The following MRPL47 variants were observed in gnomAD, a reference collection of about 807,000 sequenced individuals.
MRPL47 encodes the protein mitochondrial ribosomal protein L47, also known as large ribosomal subunit protein uL29m.
MRPL47 carries 31 observed loss-of-function variants against 34.0 expected under a neutral mutation model. That is an observed-to-expected ratio of 0.91 (90% CI 0.68 to 1.23). The LOEUF is 1.23. MRPL47 is among the 50% of genes most tolerant of loss of function. The pLI is 0.00. For missense variants in MRPL47, 328 were observed against 285.8 expected (o/e 1.15, Z -1.07); for synonymous variants, 106 against 101.6 (o/e 1.04, Z -0.26).
intron 3 of MRPL47, among the ~76,000 whole-genome samples, chr3:179,601,170 G>A (rs1718917188): frequency 6.6e-6 from 1 of 152,202 alleles, no homozygotes; most frequent in Non-Finnish European, 1.5e-5. Flanking sequence ...CCAGGATGTT[G>A]GGAGGCTGAG....
Position 179,588,890 on chromosome 3 carries a change from T to C in MRPL47, c.735A>G (p.Gln245=), listed in dbSNP as rs1560016790. ...LKKFPHLAEA[Q]KSSLV ...AGACATCTTAGACAAGACTTGACTT[T>C]TGGGCTTCAGCAAGATGTGGAAACT... Residue 245 remains glutamine, a synonymous_variant, in exon 7 of 7, where the codon CAA becomes CAG. Coordinates refer to ENST00000476781, the MANE Select transcript of MRPL47 (RefSeq NM_020409.3). 3.7e-6 allele frequency: 6 copies of C among 1,613,446 alleles called. No homozygotes were observed. The highest frequency in any genetic ancestry group is 3.4e-6 in the Non-Finnish European group (4 of 1,179,700).
In MRPL47 at chr3:179,592,092, C is replaced by T. The variant is rs370827027; in HGVS notation, c.629+552G>A. On this transcript the variant is annotated intron_variant, in intron 6 of 6. Transcript: ENST00000476781. The stretch of plus-strand genomic sequence containing the variant: ...AAGTAATCTGCCTGCCTTGGCCTCC[C>T]AAAGTGCTGGGATTACAGGCATGAG... 7.2e-5 allele frequency among the ~76,000 whole-genome samples: 11 copies of T among 152,300 alleles called. No individual in the cohort carries two copies. In the East Asian group the frequency reaches 2.1e-3, roughly 29 times the overall value.
At chr3:179,594,449 T>C (rs1224876432) in intron 4 of MRPL47, among the ~76,000 whole-genome samples, 1 of 152,214 alleles carries the variant, frequency 6.6e-6, no homozygotes, top group Non-Finnish European at 1.5e-5. Context: ...TTAAGATTTC[T>C]ATTGTTTTAT....
intron 5 of MRPL47, 117 bp from the exon 6 acceptor site, chr3:179,592,856 A>G: frequency 1.5e-6 from 1 of 658,474 alleles, no homozygotes; most frequent in South Asian, 2.0e-5. Context: ...TAAAACATAA[A>G]CATTTTTAGT....
intron 3 of MRPL47, among the ~76,000 whole-genome samples, chr3:179,599,627 A>G (rs1718880497): frequency 2.0e-5 from 3 of 152,190 alleles, no homozygotes; most frequent in Non-Finnish European, 4.4e-5. Flanking sequence ...CTGTAATGTG[A>G]TGTGGGATAA....
At position 179,593,865 on chromosome 3, in the gene MRPL47, C is replaced by T; in HGVS notation, c.433G>A (p.Val145Ile). ...AGGGCATCTTCTCTTTCCTGGACAA[C>T]TTTATCTAATGCATCCATGGAATCT... is the stretch of plus-strand genomic sequence containing the variant. ...VVDSMDALDK[V>I]VQEREDALRL... The change falls in exon 5 of 7, where the codon GTT becomes ATT. Residue 145 changes from valine (V) to isoleucine (I), a missense_variant. By Grantham distance (29) the Val-to-Ile change is conservative. Coordinates refer to ENST00000476781, the MANE Select transcript of MRPL47 (RefSeq NM_020409.3). The T allele has an allele frequency of 6.2e-7, 1 of 1,613,360 alleles. No homozygotes were observed. The highest frequency in any genetic ancestry group is 8.5e-7 in the Non-Finnish European group (1 of 1,179,558).
At chr3:179,604,025 T>C (rs1374587275) in intron 1 of MRPL47, among the ~76,000 whole-genome samples, 1 of 147,500 alleles carries the variant, frequency 6.8e-6, no homozygotes, top group African/African-American at 2.5e-5. Context: ...TAAAGAGTCA[T>C]GGCAACCAAT....
intron 6 of MRPL47, among the ~76,000 whole-genome samples, chr3:179,591,877 G>A (rs1257373375): frequency 6.6e-6 from 1 of 151,842 alleles, no homozygotes; most frequent in Non-Finnish European, 1.5e-5. Flanking sequence ...CTGTCGCCCA[G>A]GCTGGAGTGC....
At chr3:179,593,735 C>A in intron 5 of MRPL47, 30 bp downstream of exon 5, 1 of 1,589,314 alleles carries the variant, frequency 6.3e-7, no homozygotes, top group South Asian at 1.2e-5. Flanking sequence ...CCACTCTCAT[C>A]TTAGAAGAGC....
chr3:179,595,072 G>A (rs961857414), intron 4 of MRPL47, among the ~76,000 whole-genome samples: 5 of 152,124 alleles, frequency 3.3e-5, no homozygotes, highest in Non-Finnish European at 7.3e-5. Flanking sequence ...TTGAGACAGG[G>A]TCTAGCTCTG....
chr3:179,591,999 A>C (rs1007783263), intron 6 of MRPL47, among the ~76,000 whole-genome samples: 1 of 151,910 alleles, frequency 6.6e-6, no homozygotes, highest in Admixed American at 6.6e-5. Flanking sequence ...TGGCCGGCTA[A>C]TTTTTGTATT....
chr3:179,589,880 C>T (rs1454145891), intron 6 of MRPL47, among the ~76,000 whole-genome samples: 2 of 152,138 alleles, frequency 1.3e-5, no homozygotes, highest in African/African-American at 4.8e-5. Flanking sequence ...TTTACAAAAA[C>T]AAAGACCCAT....
chr3:179,601,088 T>C (rs1020457904), intron 3 of MRPL47, among the ~76,000 whole-genome samples: 2 of 152,080 alleles, frequency 1.3e-5, no homozygotes, highest in South Asian at 2.1e-4. Flanking sequence ...TTACAGATCA[T>C]GAAAATGTAA....
At chr3:179,598,506 G>T (rs1718848219) in intron 4 of MRPL47, among the ~76,000 whole-genome samples, 169 bp downstream of exon 4, 1 of 151,536 alleles carries the variant, frequency 6.6e-6, no homozygotes, top group African/African-American at 2.4e-5. Context: ...TTCTTTTAGG[G>T]GCGATGGAAA....
At chr3:179,592,504 A>G in intron 6 of MRPL47, 140 bp downstream of exon 6, 2 of 590,772 alleles carry the variant, frequency 3.4e-6, no homozygotes, top group Non-Finnish European at 5.8e-6. Flanking sequence ...TGACTTTCCT[A>G]TTTTTTATAA....
intron 6 of MRPL47, among the ~76,000 whole-genome samples, chr3:179,589,385 C>T (rs1049848180): frequency 6.6e-6 from 1 of 152,158 alleles, no homozygotes; most frequent in Non-Finnish European, 1.5e-5. Flanking sequence ...CAGGATATCT[C>T]TCATGATGCC....
At position 179,601,787 on chromosome 3, in the gene MRPL47, G is replaced by T; in HGVS notation, c.248C>A (p.Ala83Glu). The T allele has an allele frequency of 1.2e-6, 2 of 1,603,534 alleles. No individual in the cohort carries two copies. The highest frequency in any genetic ancestry group is 1.7e-6 in the Non-Finnish European group (2 of 1,173,422). The change falls in exon 3 of 7, where the codon GCA becomes GAA. Residue 83 changes from alanine (A) to glutamate (E), a missense_variant. Transcript: ENST00000476781. ...CCTTAGTTGCTGACAGGTCCATGCT[G>T]CTCCTATTAAAATAATACATAACAT... Reference protein sequence around the residue: ...NWGQEKVKSGAAWTCQQLRNK... With the variant: ...NWGQEKVKSGEAWTCQQLRNK...
intron 5 of MRPL47, 58 bp downstream of exon 5, chr3:179,593,707 G>A: frequency 6.6e-7 from 1 of 1,519,464 alleles, no homozygotes; most frequent in Non-Finnish European, 8.9e-7. Context: ...ATTGGGCAGG[G>A]GAATGAGGCA....
rs569253798 is a variant in MRPL47 at position 179,598,915 on chromosome 3, T to C, written c.306-144A>G. The C allele has an allele frequency of 3.3e-5, 19 of 580,442 alleles. No homozygotes were observed. In the East Asian group the frequency reaches 5.1e-4, roughly 16 times the overall value. 36.0% of individuals were successfully genotyped at this position (580,442 alleles called of 1,614,324 possible). On this transcript the variant is annotated intron_variant, in intron 3 of 6. Transcript: ENST00000476781. The stretch of plus-strand genomic sequence containing the variant: ...GGCTCACACCTGTAATCCCAGCACT[T>C]TGGGAGGCTGAGGTAGGAGGATCGC...
Sources: gnomAD v4.1 joint callset for allele counts (sites outside exome capture counted in the v4.1 genomes callset) on GRCh38, gnomAD v4.1.1 for gene constraint, MANE v1.5 for transcripts, NCBI Gene and HGNC (gene_info 2026-07-23, HGNC 2026-07-21) for gene names.